The following MPZL3 variants were observed in gnomAD, a reference collection of about 807,000 sequenced individuals.
The protein encoded by MPZL3 is myelin protein zero like 3.
MPZL3 carries 23 observed loss-of-function variants against 24.8 expected under a neutral mutation model. The ratio of observed to expected loss-of-function variants is 0.93; its 90% CI spans 0.67 to 1.31. The LOEUF (loss-of-function observed/expected upper bound fraction) is 1.31, where lower values mean the gene tolerates loss of function less well. MPZL3 is among the 40% of genes most tolerant of loss of function. The pLI, the probability that MPZL3 is intolerant of heterozygous loss-of-function variation, is 0.00. For missense variants in MPZL3, 277 were observed against 294.9 expected, an observed-to-expected ratio of 0.94 and a Z score of 0.44; for synonymous variants, 99 against 106.5, an observed-to-expected ratio of 0.93 and a Z score of 0.44.
rs186138082 is a variant in MPZL3, at chr11:118,245,025, G to A, written c.74-4648C>T. On this transcript the variant is annotated intron_variant, in intron 1 of 5. Transcript: ENST00000278949. ...TGGGAGGCAGAGCTTGCCGTGAGCC[G>A]AAATCGCACCACTACACTCCAGCCT... Among the ~76,000 whole-genome samples the A allele has an allele frequency of 1.6e-3, 250 of 151,998 alleles. 1 individual carries two copies. The highest frequency in any genetic ancestry group is 5.6e-3 in the African/African-American group (233 of 41,430).
At chr11:118,236,509 T>C (rs892666779) in intron 3 of MPZL3, among the ~76,000 whole-genome samples, 2 of 152,176 alleles carry the variant, frequency 1.3e-5, no homozygotes, top group Non-Finnish European at 2.9e-5. Flanking sequence ...AGGACTAGCA[T>C]GACCACTTAA....
chr11:118,251,078 C>CGAGTGT (rs1949614614), intron 1 of MPZL3, among the ~76,000 whole-genome samples: 1 of 144,270 alleles, frequency 6.9e-6, no homozygotes, highest in African/African-American at 2.6e-5. Flanking sequence ...GAATATTTCT[C>CGAGTGT]GTGTGTGTGT....
At chr11:118,232,281 G>A (rs1949363837) in intron 5 of MPZL3, among the ~76,000 whole-genome samples, 1 of 152,018 alleles carries the variant, frequency 6.6e-6, no homozygotes, top group Admixed American at 6.6e-5. Flanking sequence ...TTCTCACTGA[G>A]GTTGTCCCTA....
In MPZL3 at chr11:118,240,144, A is replaced by C. The variant is rs892148979; in HGVS notation, c.240+67T>G. 5.0e-5 allele frequency: 72 copies of C among 1,437,842 alleles called. No individual in the cohort carries two copies. The East Asian group carries it at 1.9e-3, about 38-fold the overall frequency. The allele number at this position is 1,437,842 out of a possible 1,614,324, so 89.1% of individuals were successfully genotyped here. On this transcript the variant is annotated intron_variant, in intron 2 of 5. Coordinates refer to ENST00000278949, the MANE Select transcript of MPZL3 (RefSeq NM_198275.3). ...AGATGAGATGGCCTCAGGCATGCCTATGATTTGCAGTAAAACAATTCCAAA... is the reference window on the plus strand; with the variant it reads ...AGATGAGATGGCCTCAGGCATGCCTCTGATTTGCAGTAAAACAATTCCAAA...
chr11:118,250,766 G>A lies in MPZL3; in HGVS notation c.73+1456C>T, dbSNP rs559523095. Among the ~76,000 whole-genome samples the A allele has an allele frequency of 2.0e-5, 3 of 151,972 alleles. No homozygotes were observed. The South Asian group carries it at 6.2e-4, about 32-fold the overall frequency. On this transcript the variant is annotated intron_variant, in intron 1 of 5. Coordinates refer to ENST00000278949, the MANE Select transcript of MPZL3 (RefSeq NM_198275.3). ...TGGCTAATTTTTTTTGTATTTTTTA[G>A]TAGAGACGGAGTTTCACTATGTTGG...
chr11:118,246,629 G>C (rs1162307779), intron 1 of MPZL3, among the ~76,000 whole-genome samples: 1 of 137,550 alleles, frequency 7.3e-6, no homozygotes, highest in Non-Finnish European at 1.5e-5. Context: ...CTGTTGCTCA[G>C]GCTACAGTGC....
At chr11:118,244,843 G>A (rs902479170) in intron 1 of MPZL3, among the ~76,000 whole-genome samples, 3 of 152,202 alleles carry the variant, frequency 2.0e-5, no homozygotes, top group Admixed American at 6.5e-5. Flanking sequence ...TTGGGAGGCC[G>A]AGGCGGGTGG....
chr11:118,235,933 C>G (rs2134699280), intron 3 of MPZL3, among the ~76,000 whole-genome samples: 1 of 152,242 alleles, frequency 6.6e-6, no homozygotes, highest in African/African-American at 2.4e-5. Context: ...TTTAACAATT[C>G]CTTCCAGATG....
At chr11:118,252,075 C>T (rs1444928553) in intron 1 of MPZL3, 147 bp downstream of exon 1, 1 of 750,364 alleles carries the variant, frequency 1.3e-6, no homozygotes, top group Non-Finnish European at 2.3e-6. Flanking sequence ...GTGGTGATGA[C>T]ATCGTCCCAA....
Position 118,240,349 on chromosome 11 carries a change from A to C in MPZL3, c.102T>G (p.Ile34Met). The change falls in exon 2 of 6, where the codon ATT (isoleucine) becomes ATG (methionine). Residue 34 changes from isoleucine to methionine, a missense_variant. Coordinates refer to ENST00000278949, the MANE Select transcript of MPZL3 (RefSeq NM_198275.3). ...QGVYIVFSLE[I>M]RADAHVRGYV... ...AACCTCGGACATGGGCATCTGCACG[A>C]ATCTCCAAGGAAAAGACGATATAAA... 6.2e-7 allele frequency: 1 copy of C among 1,606,558 alleles called. No individual in the cohort carries two copies. The highest frequency in any genetic ancestry group is 8.5e-7 in the Non-Finnish European group (1 of 1,177,630).
At chr11:118,232,613 G>A (rs534074986) in intron 5 of MPZL3, among the ~76,000 whole-genome samples, 10 of 152,158 alleles carry the variant, frequency 6.6e-5, no homozygotes, top group South Asian at 6.2e-4. Flanking sequence ...GATAATAACC[G>A]TATGAACATT....
rs1444561311 is a variant in MPZL3 at position 118,252,286 on chromosome 11, C to A, written c.9G>T (p.Gln3His). MQ[Q>H]RGAAGSRGCA... is the part of the protein sequence containing the mutation. ...AGCCACGGCTTCCAGCTGCTCCTCTCTGCTGCATCCCGGCAGCTCTTCAGA... is the reference window on the plus strand; with the variant it reads ...AGCCACGGCTTCCAGCTGCTCCTCTATGCTGCATCCCGGCAGCTCTTCAGA... The change falls in exon 1 of 6, where the codon CAG becomes CAT. Residue 3 changes from glutamine to histidine, a missense_variant. Coordinates refer to ENST00000278949, the MANE Select transcript of MPZL3 (RefSeq NM_198275.3). 1.2e-6 allele frequency: 2 copies of A among 1,614,020 alleles called. No homozygotes were observed. The highest frequency in any genetic ancestry group is 1.3e-5 in the African/African-American group (1 of 75,062).
intron 4 of MPZL3, among the ~76,000 whole-genome samples, chr11:118,234,725 G>GCA (rs55955314): frequency 0.41 from 61,997 of 150,102 alleles, 14,594 homozygotes; most frequent in South Asian, 0.71. Context: ...TTAAATAAAT[G>GCA]CACACACACA....
At chr11:118,231,816 C>G (rs1949355698) in intron 5 of MPZL3, among the ~76,000 whole-genome samples, 1 of 152,168 alleles carries the variant, frequency 6.6e-6, no homozygotes, top group African/African-American at 2.4e-5. Flanking sequence ...TCCTCACCAC[C>G]TCCACCACCA....
Position 118,229,136 on chromosome 11 carries a change from A to G in MPZL3, c.*758T>C, listed in dbSNP as rs1949315053. The G allele has an allele frequency of 1.7e-5, 1 of 58,020 alleles. No individual in the cohort carries two copies. The highest frequency in any genetic ancestry group is 3.3e-5 in the African/African-American group (1 of 29,946). The allele number at this position is 58,020 out of a possible 1,614,324, so 3.6% of individuals were successfully genotyped here. A position where few individuals can be genotyped will look rare whatever the true frequency, so the allele number is the denominator to read the frequency against. ...GTGAGACTCTGCCTCAAAAAAAAAA[A>G]AAAAAAAAAAAAAGCAAGACAGAAA... On this transcript the variant is annotated 3_prime_UTR_variant, in exon 6 of 6. Transcript: ENST00000278949.
chr11:118,239,371 T>G (rs969543557), intron 2 of MPZL3, among the ~76,000 whole-genome samples: 2 of 152,178 alleles, frequency 1.3e-5, no homozygotes, highest in African/African-American at 2.4e-5. Context: ...CAAAGCTTAT[T>G]TATACATGAA....
intron 1 of MPZL3, among the ~76,000 whole-genome samples, chr11:118,251,216 T>C (rs921358042): frequency 6.6e-6 from 1 of 151,996 alleles, no homozygotes; most frequent in East Asian, 1.9e-4. Flanking sequence ...TGGAGACTTA[T>C]GATGACACAG....
At chr11:118,242,186 C>T (rs1312607682) in intron 1 of MPZL3, among the ~76,000 whole-genome samples, 1 of 152,210 alleles carries the variant, frequency 6.6e-6, no homozygotes, top group Non-Finnish European at 1.5e-5. Flanking sequence ...AGCTCAGCTA[C>T]TTTCTGGTTG....
rs756313364 is a variant in MPZL3, at chr11:118,237,159, A to T, written c.342T>A (p.Ser114Arg). The change falls in exon 3 of 6, where the codon AGT becomes AGA. Residue 114 changes from serine to arginine, a missense_variant. Coordinates refer to ENST00000278949, the MANE Select transcript of MPZL3 (RefSeq NM_198275.3). ...TGTCCTTTATGGTAGGGTTGCTTAT[A>T]CTTATAGATGCATCCCCTTTGTATA... ...GNVYKGDASI[S>R]ISNPTIKDNG... is the part of the protein sequence containing the mutation. The T allele has an allele frequency of 6.8e-6, 11 of 1,613,986 alleles. No homozygotes were observed. The highest frequency in any genetic ancestry group is 9.3e-6 in the Non-Finnish European group (11 of 1,179,976).
Sources: allele counts gnomAD v4.1 joint callset (sites outside exome capture counted in the v4.1 genomes callset), GRCh38; gene constraint gnomAD v4.1.1; transcripts MANE v1.5; gene names NCBI Gene and HGNC (gene_info 2026-07-23, HGNC 2026-07-21).